Variants in UGT2A1 observed in about 807,000 individuals in gnomAD.
UGT2A1 encodes the protein UDP-glucuronosyltransferase 2A1.
A neutral mutation model predicts 45.4 loss-of-function variants in UGT2A1; 61 were observed. The observed-to-expected ratio is 1.34, with a 90% CI of 1.09 to 1.66. The LOEUF is 1.66. Among genes scored for constraint, UGT2A1 ranks in the 40% most tolerant of loss-of-function variants. The probability of loss-of-function intolerance (pLI) is 0.00; values close to 1 mark genes in which losing one functional copy is unlikely to be tolerated. For missense variants in UGT2A1, 649 were observed against 574.3 expected, an observed-to-expected ratio of 1.13 and a Z score of -1.33; for synonymous variants, 229 against 196.2, an observed-to-expected ratio of 1.17 and a Z score of -1.40.
At chr4:69,644,203 A>G (rs915454354) in intron 2 of UGT2A1, among the ~76,000 whole-genome samples, 1 of 151,724 alleles carries the variant, frequency 6.6e-6, no homozygotes, top group African/African-American at 2.4e-5. Context: ...CTGAAAGAAT[A>G]GTGTGCTTTT....
chr4:69,595,299 T>C, intron 4 of UGT2A1, 50 bp from the exon 5 acceptor site: 1 of 1,593,366 alleles, frequency 6.3e-7, no homozygotes, highest in South Asian at 1.1e-5. Flanking sequence ...AATGAGGACA[T>C]TTTAAGTTGG....
At chr4:69,645,798 C>T (rs563760707) in intron 2 of UGT2A1, among the ~76,000 whole-genome samples, 5 of 151,860 alleles carry the variant, frequency 3.3e-5, no homozygotes, top group East Asian at 3.9e-4. Flanking sequence ...CTTGCGGTTC[C>T]GACGTCATTA....
At chr4:69,632,061 TA>T (rs1161790538) in intron 3 of UGT2A1, among the ~76,000 whole-genome samples, 5 of 152,224 alleles carry the variant, frequency 3.3e-5, no homozygotes, top group Admixed American at 2.0e-4. Context: ...ATGTGATGTA[TA>T]TTAACTTTAT....
intron 2 of UGT2A1, among the ~76,000 whole-genome samples, chr4:69,643,787 G>A (rs1560496239): frequency 6.6e-6 from 1 of 151,604 alleles, no homozygotes; most frequent in South Asian, 2.1e-4. Context: ...TTCGAGGCCT[G>A]AGTGGATATA....
rs755629670 is a variant in UGT2A1, at chr4:69,639,397, C to T, written c.716-3575G>A. ...CTCTTCTTGTAGGAAACAGGTATCA[C>T]TTCAAAATTCACAGGAGAATCGGGA... On this transcript the variant is annotated intron_variant, in intron 2 of 6. Coordinates refer to ENST00000286604, the MANE Select transcript of UGT2A1 (RefSeq NM_001252275.3). 27 of 1,613,396 alleles carry T rather than the reference C, an allele frequency of 1.7e-5. No homozygotes were observed. The Admixed American group carries it at 4.3e-4, about 26-fold the overall frequency.
chr4:69,593,866 CTAAT>C (rs749477620), intron 6 of UGT2A1, among the ~76,000 whole-genome samples: 17 of 150,364 alleles, frequency 1.1e-4, no homozygotes, highest in Non-Finnish European at 2.1e-4. Flanking sequence ...TACATACTTA[CTAAT>C]TAGTTTATAA....
intron 6 of UGT2A1, among the ~76,000 whole-genome samples, chr4:69,594,268 C>A (rs374993798): frequency 6.6e-6 from 1 of 152,090 alleles, no homozygotes; most frequent in East Asian, 1.9e-4. Context: ...GCCACTGCGC[C>A]CGGCCAATAT....
chr4:69,628,601 G>GA (rs1027668568), intron 3 of UGT2A1, among the ~76,000 whole-genome samples: 7 of 150,916 alleles, frequency 4.6e-5, no homozygotes, highest in African/African-American at 9.7e-5. Flanking sequence ...CAAATTTGAT[G>GA]AAAAAAATTC....
intron 4 of UGT2A1, among the ~76,000 whole-genome samples, chr4:69,598,265 T>C (rs1719055903): frequency 6.6e-6 from 1 of 152,180 alleles, no homozygotes; most frequent in African/African-American, 2.4e-5. Context: ...AGTACTCTTA[T>C]AGGAACCTGC....
In UGT2A1 at chr4:69,603,047, A is replaced by T. The variant is rs1218012864; in HGVS notation, c.848-3653T>A. Among the ~76,000 whole-genome samples the T allele has an allele frequency of 2.2e-5, 3 of 135,768 alleles. 1 individual carries two copies. Among genetic ancestry groups the T allele is most frequent in the African/African-American group, 6.0e-5 (2 of 33,358 alleles). The allele number at this position is 135,768 out of a possible 152,430, so 89.1% of individuals were successfully genotyped here. On this transcript the variant is annotated intron_variant, in intron 3 of 6. Transcript: ENST00000286604. ...ACGCCACTGCAATCCACCCTGGGTG[A>T]CAGAGAGAGACTCCATCTAAAAAAA...
At chr4:69,590,628 A>T (rs1327004923) in intron 6 of UGT2A1, among the ~76,000 whole-genome samples, 2 of 133,854 alleles carry the variant, frequency 1.5e-5, no homozygotes, top group African/African-American at 5.5e-5. Context: ...GGAGTAGTTT[A>T]CATGTGTTGA....
rs1249036235 is a variant in UGT2A1 at position 69,594,512 on chromosome 4, C to A, written c.1269G>T (p.Leu423Phe). 1 of 1,614,124 alleles carries A rather than the reference C, an allele frequency of 6.2e-7. No individual in the cohort carries two copies. Among genetic ancestry groups the A allele is most frequent in the Non-Finnish European group, 8.5e-7 (1 of 1,180,014 alleles). The change falls in exon 6 of 7, where the codon TTG becomes TTT. Residue 423 changes from leucine to phenylalanine, a missense_variant. Coordinates refer to ENST00000286604, the MANE Select transcript of UGT2A1 (RefSeq NM_001252275.3). ...TAATGACTGTTCTCAAAGCGCTAAG[C>A]AAATCCACACTTGTCATTGTGTTTA... ...VNLNTMTSVD[L>F]LSALRTVINE...
At chr4:69,620,299 A>G (rs1443758833) in intron 3 of UGT2A1, among the ~76,000 whole-genome samples, 3 of 151,812 alleles carry the variant, frequency 2.0e-5, no homozygotes, top group African/African-American at 7.3e-5. Context: ...AGGAAAAAAA[A>G]TCTATCTACA....
intron 3 of UGT2A1, among the ~76,000 whole-genome samples, chr4:69,627,443 G>C (rs1721123775): frequency 6.7e-6 from 1 of 149,252 alleles, no homozygotes; most frequent in African/African-American, 2.5e-5. Flanking sequence ...AATATTTTTT[G>C]TTCCATAGGC....
chr4:69,627,755 TTAA>T (rs1282747420), intron 3 of UGT2A1, among the ~76,000 whole-genome samples: 1 of 151,704 alleles, frequency 6.6e-6, no homozygotes, highest in African/African-American at 2.4e-5. Flanking sequence ...CAAACTGGAA[TTAA>T]TGATGAACAA....
chr4:69,603,288 T>C (rs147762820), intron 3 of UGT2A1, among the ~76,000 whole-genome samples: 1 of 135,366 alleles, frequency 7.4e-6, no homozygotes, highest in South Asian at 2.4e-4. Context: ...AGGAAAGCAG[T>C]TAAGATAGTG....
chr4:69,643,565 A>C (rs1722131710), intron 2 of UGT2A1, among the ~76,000 whole-genome samples: 1 of 151,646 alleles, frequency 6.6e-6, no homozygotes, highest in Non-Finnish European at 1.5e-5. Context: ...GTGCATAGGA[A>C]GATATTAATA....
rs1718382372 is a variant in UGT2A1, at chr4:69,588,521, A to T, written c.*851T>A. ...CATTAGTGATTTTTAAGCATAATTA[A>T]TTGATGTTTTATGTAATTATTTGTA... On this transcript the variant is annotated 3_prime_UTR_variant, in exon 7 of 7. Coordinates refer to ENST00000286604, the MANE Select transcript of UGT2A1 (RefSeq NM_001252275.3). The T allele has an allele frequency of 3.9e-5, 6 of 152,256 alleles. No homozygotes were observed. The South Asian group carries it at 1.2e-3, about 32-fold the overall frequency. The allele number at this position is 152,256 out of a possible 1,614,324, so 9.4% of individuals were successfully genotyped here.
intron 2 of UGT2A1, among the ~76,000 whole-genome samples, chr4:69,645,219 G>T (rs1722201276): frequency 6.6e-6 from 1 of 151,684 alleles, no homozygotes; most frequent in African/African-American, 2.4e-5. Flanking sequence ...TTACCTCTGA[G>T]ATCTCATCCC....
Sources: allele counts gnomAD v4.1 joint callset (sites outside exome capture counted in the v4.1 genomes callset), GRCh38; gene constraint gnomAD v4.1.1; transcripts MANE v1.5; gene names NCBI Gene and HGNC (gene_info 2026-07-23, HGNC 2026-07-21).